Variants in TAB2 observed in about 807,000 individuals in gnomAD.
TAB2 encodes the protein TGF-beta activated kinase 1 (MAP3K7) binding protein 2.
TAB2 carries 3 observed loss-of-function variants against 65.0 expected under a neutral mutation model. The observed-to-expected ratio is 0.05, with a 90% CI of 0.02 to 0.12. The LOEUF is 0.12. Among genes scored for constraint, TAB2 ranks in the 10% least tolerant of loss-of-function variants. The pLI, the probability that TAB2 is intolerant of heterozygous loss-of-function variation, is 1.00. For synonymous variants in TAB2, 298 were observed against 285.1 expected (o/e 1.05, Z -0.46); for missense variants, 623 against 840.3 (o/e 0.74, Z 3.20).
chr6:149,362,551 G>T (rs951503591), intron 1 of TAB2, among the ~76,000 whole-genome samples: 1 of 152,176 alleles, frequency 6.6e-6, no homozygotes, highest in African/African-American at 2.4e-5. Context: ...GGGGATCACA[G>T]TTCAGAATGA....
At chr6:149,347,886 G>A (rs1780355263) in intron 1 of TAB2, among the ~76,000 whole-genome samples, 1 of 151,984 alleles carries the variant, frequency 6.6e-6, no homozygotes, top group Non-Finnish European at 1.5e-5. Context: ...TATGTACTTA[G>A]GTAATATGAT....
At chr6:149,251,002 C>A (rs1777848314) in intron 1 of TAB2, among the ~76,000 whole-genome samples, 1 of 152,198 alleles carries the variant, frequency 6.6e-6, no homozygotes, top group Non-Finnish European at 1.5e-5. Flanking sequence ...CCCATAGCAG[C>A]CAGCTTTCAT....
At chr6:149,276,101 G>A (rs1325698025) in intron 1 of TAB2, among the ~76,000 whole-genome samples, 1 of 152,136 alleles carries the variant, frequency 6.6e-6, no homozygotes, top group African/African-American at 2.4e-5. Flanking sequence ...TAATAATAGG[G>A]AAAACTGGGT....
At chr6:149,328,777 A>G (rs147755648) in intron 1 of TAB2, among the ~76,000 whole-genome samples, 2 of 152,328 alleles carry the variant, frequency 1.3e-5, no homozygotes, top group Admixed American at 6.5e-5. Context: ...TAAACATAAA[A>G]TACTTTAGGA....
intron 1 of TAB2, among the ~76,000 whole-genome samples, chr6:149,290,004 G>A (rs1344308995): frequency 6.6e-6 from 1 of 152,176 alleles, no homozygotes; most frequent in African/African-American, 2.4e-5. Context: ...TCATGATAAG[G>A]GGTTGTGGAG....
chr6:149,334,975 G>T (rs1165846265), intron 1 of TAB2, among the ~76,000 whole-genome samples: 2 of 152,112 alleles, frequency 1.3e-5, no homozygotes, highest in Non-Finnish European at 2.9e-5. Flanking sequence ...TGCCAGCATG[G>T]TATTGTCAGG....
chr6:149,281,704 ATG>A (rs1404415896), intron 1 of TAB2, among the ~76,000 whole-genome samples: 1 of 152,062 alleles, frequency 6.6e-6, no homozygotes, highest in Non-Finnish European at 1.5e-5. Flanking sequence ...AATCATATAA[ATG>A]TAAATGGGAC....
intron 2 of TAB2, among the ~76,000 whole-genome samples, chr6:149,376,240 A>G (rs770651705): frequency 2.0e-5 from 3 of 151,868 alleles, no homozygotes; most frequent in Non-Finnish European, 4.4e-5. Flanking sequence ...CTTTTTATTC[A>G]TCTTAAGTAT....
At chr6:149,258,456 T>TACAC (rs1277212716) in intron 1 of TAB2, among the ~76,000 whole-genome samples, 4 of 136,614 alleles carry the variant, frequency 2.9e-5, no homozygotes, top group African/African-American at 1.1e-4. Flanking sequence ...CACACACACT[T>TACAC]CTCACATAAA....
At chr6:149,364,438 G>C (rs1354904057) in intron 1 of TAB2, among the ~76,000 whole-genome samples, 2 of 152,098 alleles carry the variant, frequency 1.3e-5, no homozygotes. Context: ...GGCTGTGATA[G>C]CCACAAGCGA....
At chr6:149,229,089 C>T (rs899893943) in intron 1 of TAB2, among the ~76,000 whole-genome samples, 1 of 152,204 alleles carries the variant, frequency 6.6e-6, no homozygotes, top group African/African-American at 2.4e-5. Context: ...TTAGCACATA[C>T]AGATCCATTA....
chr6:149,398,934 A>G (rs182494824), intron 5 of TAB2, among the ~76,000 whole-genome samples, 170 bp from the exon 6 acceptor site: 30 of 152,266 alleles, frequency 2.0e-4, no homozygotes, highest in African/African-American at 6.7e-4. Context: ...CTAAGATAAT[A>G]TATTTGAAAT....
intron 1 of TAB2, among the ~76,000 whole-genome samples, chr6:149,363,859 TC>T (rs1423383668): frequency 6.6e-6 from 1 of 152,102 alleles, no homozygotes; most frequent in Non-Finnish European, 1.5e-5. Flanking sequence ...TACCCTAGAT[TC>T]CACAGGTTCA....
At chr6:149,357,430 A>AAAACACACACACAC in intron 1 of TAB2, among the ~76,000 whole-genome samples, 7 of 111,184 alleles carry the variant, frequency 6.3e-5, no homozygotes, top group South Asian at 7.0e-4. Flanking sequence ...AGAAAAAAAA[A>AAAACACACACACAC]ACACACACAC....
intron 1 of TAB2, among the ~76,000 whole-genome samples, chr6:149,340,395 A>G (rs1780078101): frequency 6.6e-6 from 1 of 152,202 alleles, no homozygotes; most frequent in South Asian, 2.1e-4. Context: ...AACCTTGGAC[A>G]TGAGGTTAGA....
intron 3 of TAB2, among the ~76,000 whole-genome samples, chr6:149,385,431 G>A (rs1781758781): frequency 6.6e-6 from 1 of 152,208 alleles, no homozygotes; most frequent in Non-Finnish European, 1.5e-5. Flanking sequence ...GGAGTCTGAG[G>A]CAGGAAGACT....
At chr6:149,353,924 A>G (rs1378750385) in intron 1 of TAB2, among the ~76,000 whole-genome samples, 2 of 152,164 alleles carry the variant, frequency 1.3e-5, no homozygotes, top group East Asian at 3.8e-4. Flanking sequence ...ACATACATAC[A>G]CGTATATGTT....
chr6:149,252,655 C>G (rs528568316), intron 1 of TAB2, among the ~76,000 whole-genome samples: 1 of 152,060 alleles, frequency 6.6e-6, no homozygotes, highest in East Asian at 1.9e-4. Flanking sequence ...AATATCTTGA[C>G]GCCCCTTAAA....
At chr6:149,280,789 A>T (rs1342795301) in intron 1 of TAB2, among the ~76,000 whole-genome samples, 1 of 152,084 alleles carries the variant, frequency 6.6e-6, no homozygotes, top group East Asian at 1.9e-4. Context: ...AAAATTAGTC[A>T]GGCCTGGTGG....
Sources: gnomAD v4.1 joint callset for allele counts (sites outside exome capture counted in the v4.1 genomes callset) on GRCh38, gnomAD v4.1.1 for gene constraint, MANE v1.5 for transcripts, NCBI Gene and HGNC (gene_info 2026-07-23, HGNC 2026-07-21) for gene names.